CFAP20DC: variants seen among roughly 807,000 people sequenced by gnomAD.
The protein encoded by CFAP20DC is protein CFAP20DC.
A neutral mutation model predicts 101.7 loss-of-function variants in CFAP20DC; 84 were observed. The observed-to-expected ratio is 0.83, with a 90% CI of 0.69 to 0.99. CFAP20DC has a LOEUF of 0.99. Ranked by LOEUF, CFAP20DC falls within the 50% of genes least tolerant of loss-of-function variation. CFAP20DC has a pLI of 0.00. For missense variants in CFAP20DC, 1,007 were observed against 970.3 expected (o/e 1.04, Z -0.50); for synonymous variants, 359 against 351.2 (o/e 1.02, Z -0.25).
At chr3:59,003,558 A>G (rs1335827981) in intron 4 of CFAP20DC, among the ~76,000 whole-genome samples, 1 of 152,212 alleles carries the variant, frequency 6.6e-6, no homozygotes, top group Admixed American at 6.5e-5. Context: ...TAAGAATATC[A>G]GAGATACAGT....
chr3:58,984,102 G>A (rs2092675656), intron 4 of CFAP20DC, among the ~76,000 whole-genome samples: 1 of 152,128 alleles, frequency 6.6e-6, no homozygotes, highest in African/African-American at 2.4e-5. Flanking sequence ...TATAAGTTTG[G>A]CTGGGGAGGA....
In CFAP20DC at chr3:58,864,608, T is replaced by A. The variant is rs1199756010; in HGVS notation, c.1259-716A>T. On this transcript the variant is annotated intron_variant, in intron 11 of 16. Transcript: ENST00000482387. The surrounding 1 kb of genome is among the most constrained non-coding windows in gnomAD (Gnocchi z 4.7). Reference sequence around the variant, plus strand: ...TTTTAACTGCAGGAGGACAGAGTACTTAACCAGCTTCTTTAAAAAAATATC... The same window carrying A: ...TTTTAACTGCAGGAGGACAGAGTACATAACCAGCTTCTTTAAAAAAATATC... 6.6e-6 allele frequency among the ~76,000 whole-genome samples: 1 copy of A among 152,174 alleles called. No individual in the cohort carries two copies. The highest frequency in any genetic ancestry group is 1.5e-5 in the Non-Finnish European group (1 of 68,028).
intron 14 of CFAP20DC, among the ~76,000 whole-genome samples, chr3:58,808,579 A>G (rs986393593): frequency 1.3e-5 from 2 of 152,228 alleles, no homozygotes; most frequent in Admixed American, 6.5e-5. Flanking sequence ...AAACATGGAA[A>G]GGACCAACCA....
At chr3:58,852,206 T>C (rs2108339552) in intron 12 of CFAP20DC, among the ~76,000 whole-genome samples, 2 of 152,248 alleles carry the variant, frequency 1.3e-5, no homozygotes, top group South Asian at 4.1e-4. Flanking sequence ...TTCAAGGAAA[T>C]GCTTCAGGAT....
intron 4 of CFAP20DC, among the ~76,000 whole-genome samples, chr3:58,951,457 C>G (rs964720313): frequency 3.3e-5 from 5 of 152,100 alleles, no homozygotes; most frequent in Non-Finnish European, 5.9e-5. Flanking sequence ...CACATGCACA[C>G]GTATGTTTAT....
chr3:58,766,043 T>C (rs967521102), intron 15 of CFAP20DC, among the ~76,000 whole-genome samples: 10 of 152,210 alleles, frequency 6.6e-5, no homozygotes, highest in Non-Finnish European at 1.0e-4. Flanking sequence ...AAAGAACTTA[T>C]GCATCATGGG....
Position 58,795,495 on chromosome 3 carries a change from T to C in CFAP20DC, c.2237+10900A>G, listed in dbSNP as rs1403719134. Among the ~76,000 whole-genome samples, 1 of 152,148 alleles carries C rather than the reference T, an allele frequency of 6.6e-6. No homozygotes were observed. Among genetic ancestry groups the C allele is most frequent in the East Asian group, 1.9e-4 (1 of 5,180 alleles). ...TTTCTACAAAAAAATCAGCTTGGCTTGTGCCTGTGGTCTCGGCTACATGGG... is the reference window on the plus strand; with the variant it reads ...TTTCTACAAAAAAATCAGCTTGGCTCGTGCCTGTGGTCTCGGCTACATGGG... On this transcript the variant is annotated intron_variant, in intron 15 of 16. Transcript: ENST00000482387. This position sits in a 1 kb window ranked among gnomAD's most constrained non-coding sequence, Gnocchi z 4.2.
At chr3:58,870,420 CT>C in intron 7 of CFAP20DC, 111 bp from the exon 8 acceptor site, 2 of 1,023,724 alleles carry the variant, frequency 2.0e-6, no homozygotes, top group Non-Finnish European at 3.0e-6. Flanking sequence ...CAAATCCCCC[CT>C]CCCCCCTCAG....
chr3:58,941,882 G>A (rs531512114), intron 4 of CFAP20DC, among the ~76,000 whole-genome samples: 11 of 152,122 alleles, frequency 7.2e-5, no homozygotes, highest in African/African-American at 2.2e-4. Flanking sequence ...TTGCATTACC[G>A]CAATGGCTAG....
intron 3 of CFAP20DC, among the ~76,000 whole-genome samples, chr3:58,718,228 C>G (rs2067423491): frequency 6.6e-6 from 1 of 152,200 alleles, no homozygotes; most frequent in Non-Finnish European, 1.5e-5. Context: ...AATGCCACTT[C>G]TTTTATTTCC....
chr3:59,000,106 A>G (rs1466500693), intron 4 of CFAP20DC, among the ~76,000 whole-genome samples: 1 of 152,146 alleles, frequency 6.6e-6, no homozygotes, highest in East Asian at 1.9e-4. Flanking sequence ...CAATTATGTA[A>G]TCTCCTTCAT....
chr3:58,930,969 T>C lies in CFAP20DC; in HGVS notation c.393+6679A>G, dbSNP rs553972409. Among the ~76,000 whole-genome samples the C allele has an allele frequency of 2.0e-5, 3 of 152,236 alleles. No homozygotes were observed. In the East Asian group the frequency reaches 5.8e-4, roughly 30 times the overall value. ...GAGCGAGCCGAAGCAGGGCGAGGCA[T>C]TGCCTCACTCGGGAAGCACAAGGGG... On this transcript the variant is annotated intron_variant, in intron 5 of 16. Transcript: ENST00000482387.
intron 7 of CFAP20DC, among the ~76,000 whole-genome samples, chr3:58,877,879 G>C (rs2080886080): frequency 6.6e-6 from 1 of 152,164 alleles, no homozygotes; most frequent in African/African-American, 2.4e-5. Flanking sequence ...GGTTTATGAG[G>C]AATCCAACAC....
intron 4 of CFAP20DC, among the ~76,000 whole-genome samples, chr3:59,008,088 C>T (rs1241362441): frequency 6.6e-6 from 1 of 152,140 alleles, no homozygotes; most frequent in Non-Finnish European, 1.5e-5. Flanking sequence ...CACTTATAGA[C>T]AGCCTTTCTG....
At chr3:58,720,802 C>T (rs1024125867) in intron 3 of CFAP20DC, among the ~76,000 whole-genome samples, 7 of 152,162 alleles carry the variant, frequency 4.6e-5, no homozygotes, top group Non-Finnish European at 1.0e-4. Context: ...TTAAACAGCC[C>T]ATTCACACTG....
At position 59,047,244 on chromosome 3, in the gene CFAP20DC, A is replaced by T; in HGVS notation, c.32T>A (p.Phe11Tyr). The T allele has an allele frequency of 1.3e-6, 2 of 1,531,462 alleles. No individual in the cohort carries two copies. Among genetic ancestry groups the T allele is most frequent in the Non-Finnish European group, 1.8e-6 (2 of 1,142,778 alleles). 94.9% of individuals were successfully genotyped at this position (1,531,462 alleles called of 1,614,324 possible). A position where few individuals can be genotyped will look rare whatever the true frequency, so the allele number is the denominator to read the frequency against. MFKNEYQGGAFVEIFSAQGKN... is the reference protein window; with the variant it reads MFKNEYQGGAYVEIFSAQGKN... ...TCCTTGAGCACTGAAAATTTCAACA[A>T]ATGCACCTCCCTAGAAAATGAAAAT... The change falls in exon 2 of 17, where the codon TTT (phenylalanine) becomes TAT (tyrosine). Residue 11 changes from phenylalanine (F) to tyrosine (Y), a missense_variant. Physicochemically the swap from Phe to Tyr is conservative, Grantham distance 22. Transcript: ENST00000482387.
intron 4 of CFAP20DC, among the ~76,000 whole-genome samples, chr3:58,961,838 T>C (rs1229027956): frequency 6.6e-6 from 1 of 152,204 alleles, no homozygotes; most frequent in Non-Finnish European, 1.5e-5. Flanking sequence ...TATTCTCTTA[T>C]CATTTTAATT....
At chr3:58,878,678 A>C (rs1262954344) in intron 7 of CFAP20DC, among the ~76,000 whole-genome samples, 1 of 152,162 alleles carries the variant, frequency 6.6e-6, no homozygotes, top group African/African-American at 2.4e-5. Flanking sequence ...TAAAACTATT[A>C]CGGTCATGAG....
intron 15 of CFAP20DC, among the ~76,000 whole-genome samples, chr3:58,789,786 T>C (rs1243663431): frequency 6.6e-6 from 1 of 152,172 alleles, no homozygotes; most frequent in Non-Finnish European, 1.5e-5. Flanking sequence ...CTTTTGTTGA[T>C]TGGACCATTA....
Sources: allele counts gnomAD v4.1 joint callset (sites outside exome capture counted in the v4.1 genomes callset), GRCh38; gene constraint gnomAD v4.1.1; non-coding constraint Gnocchi (gnomAD v3.1); transcripts MANE v1.5; gene names NCBI Gene and HGNC (gene_info 2026-07-23, HGNC 2026-07-21).